CSMD3: variants seen among roughly 807,000 people sequenced by gnomAD.
The protein encoded by CSMD3 is CUB and sushi domain-containing protein 3.
In CSMD3, 177 loss-of-function variants were observed where a neutral mutation model predicts 435.2. That is an observed-to-expected ratio of 0.41 (90% CI 0.36 to 0.46). CSMD3 has a LOEUF of 0.46. CSMD3 is among the 20% of genes least tolerant of loss of function. CSMD3 has a pLI of 0.34. For missense variants in CSMD3, 4,265 were observed against 4,504.6 expected, an observed-to-expected ratio of 0.95 and a Z score of 1.52; for synonymous variants, 1,656 against 1,520.5, an observed-to-expected ratio of 1.09 and a Z score of -2.07.
chr8:112,463,490 T>C (rs1205452768), intron 32 of CSMD3, among the ~76,000 whole-genome samples: 2 of 152,230 alleles, frequency 1.3e-5, no homozygotes, highest in African/African-American at 4.8e-5. Flanking sequence ...TCTTGGTAAC[T>C]GGCTCTGCTG....
chr8:112,289,361 G>A lies in CSMD3; in HGVS notation c.9148+4C>T, dbSNP rs2130654167. The A allele has an allele frequency of 1.2e-6, 2 of 1,611,890 alleles. No homozygotes were observed. The highest frequency in any genetic ancestry group is 1.7e-6 in the Non-Finnish European group (2 of 1,178,378). On this transcript the variant is annotated splice_donor_region_variant and intron_variant, in intron 57 of 70. Transcript: ENST00000297405. ...CACATATTGTCCAATTTTCCAAGTG[G>A]TACCTGAACAATGAGGTTGTGATCC...
intron 3 of CSMD3, among the ~76,000 whole-genome samples, chr8:113,219,945 C>A (rs2092947781): frequency 6.6e-6 from 1 of 151,332 alleles, no homozygotes; most frequent in African/African-American, 2.4e-5. Flanking sequence ...AAAATGATTA[C>A]AAATTCTTTA....
At chr8:112,880,565 G>A (rs545724899) in intron 10 of CSMD3, among the ~76,000 whole-genome samples, 12 of 152,040 alleles carry the variant, frequency 7.9e-5, no homozygotes, top group Non-Finnish European at 1.8e-4. Flanking sequence ...CAGGGGGAAA[G>A]ACACACTAAA....
chr8:113,186,968 T>C (rs551063908), intron 3 of CSMD3, among the ~76,000 whole-genome samples: 2 of 152,078 alleles, frequency 1.3e-5, no homozygotes, highest in Admixed American at 6.6e-5. Context: ...TTGGACAATA[T>C]AACTGGTTCC....
intron 27 of CSMD3, among the ~76,000 whole-genome samples, chr8:112,541,437 C>G (rs1826650253): frequency 6.6e-6 from 1 of 151,338 alleles, no homozygotes; most frequent in Admixed American, 6.6e-5. Flanking sequence ...AATAATGCTA[C>G]AGAAATAAGA....
intron 11 of CSMD3, among the ~76,000 whole-genome samples, chr8:112,831,386 T>G (rs1021958425): frequency 6.6e-6 from 1 of 151,690 alleles, no homozygotes. Context: ...CATCTTTTGG[T>G]ACACATTTTC....
At position 112,234,488 on chromosome 8, in the gene CSMD3, C is replaced by A. The variant is rs772643684; in HGVS notation, c.10628-11G>T. 4 of 1,460,578 alleles carry A rather than the reference C, an allele frequency of 2.7e-6. No homozygotes were observed. Among genetic ancestry groups the A allele is most frequent in the Middle Eastern group, 1.7e-4 (1 of 5,774 alleles). 90.5% of individuals were successfully genotyped at this position (1,460,578 alleles called of 1,614,324 possible). A position where few individuals can be genotyped will look rare whatever the true frequency, so the allele number is the denominator to read the frequency against. The stretch of plus-strand genomic sequence containing the variant: ...GGCTTTTATATACCCCTGTAAAATG[C>A]AAGGACATTTTAGTCTACTTAACTT... On this transcript the variant is annotated splice_polypyrimidine_tract_variant and intron_variant, in intron 67 of 70. Coordinates refer to ENST00000297405, the MANE Select transcript of CSMD3 (RefSeq NM_198123.2).
chr8:112,739,748 TG>T (rs1712218973), intron 13 of CSMD3, among the ~76,000 whole-genome samples: 1 of 151,822 alleles, frequency 6.6e-6, no homozygotes, highest in African/African-American at 2.4e-5. Flanking sequence ...TTATATGTAT[TG>T]TATAGCATTG....
chr8:112,250,265 C>T (rs1429067009), intron 63 of CSMD3, among the ~76,000 whole-genome samples: 1 of 151,792 alleles, frequency 6.6e-6, no homozygotes. Context: ...ATAACAACTG[C>T]TTTAAATATT....
chr8:113,070,148 G>C (rs2089044040), intron 5 of CSMD3, among the ~76,000 whole-genome samples: 2 of 152,026 alleles, frequency 1.3e-5, no homozygotes. Context: ...TAGGGGAGAA[G>C]GTGGAGGAGA....
At chr8:112,506,548 A>T in intron 29 of CSMD3, 143 bp downstream of exon 29, 1 of 757,924 alleles carries the variant, frequency 1.3e-6, no homozygotes, top group Non-Finnish European at 2.1e-6. Flanking sequence ...TGGCAAAGCT[A>T]GAACAACTAT....
At chr8:113,057,927 A>G (rs940404257) in intron 5 of CSMD3, among the ~76,000 whole-genome samples, 4 of 151,820 alleles carry the variant, frequency 2.6e-5, no homozygotes, top group African/African-American at 4.8e-5. Flanking sequence ...TACGTGTCCT[A>G]AATAAAAGAC....
In CSMD3 at chr8:112,261,380, G is replaced by A. The variant is rs78205203; in HGVS notation, c.9862+2259C>T. Among the ~76,000 whole-genome samples, 786 of 151,978 alleles carry A rather than the reference G, an allele frequency of 5.2e-3. 6 individuals carry two copies. The highest frequency in any genetic ancestry group is 0.018 in the African/African-American group (754 of 41,452). On this transcript the variant is annotated intron_variant, in intron 61 of 70. Coordinates refer to ENST00000297405, the MANE Select transcript of CSMD3 (RefSeq NM_198123.2). ...CACTCAACTTTAACAATTGATAATT[G>A]CCAATACTGTTGCAAATCTTTGTAG...
At chr8:112,727,823 C>G (rs2076997727) in intron 13 of CSMD3, among the ~76,000 whole-genome samples, 1 of 151,724 alleles carries the variant, frequency 6.6e-6, no homozygotes, top group Non-Finnish European at 1.5e-5. Flanking sequence ...TTCTAAATGG[C>G]ATTTTTAAAC....
At chr8:112,912,611 T>A (rs999220104) in intron 10 of CSMD3, among the ~76,000 whole-genome samples, 3 of 151,874 alleles carry the variant, frequency 2.0e-5, no homozygotes, top group African/African-American at 7.3e-5. Context: ...TAAAACTATT[T>A]AAAAAACATA....
intron 28 of CSMD3, 46 bp from the exon 29 acceptor site, chr8:112,506,875 A>G (rs1822586526): frequency 4.6e-6 from 7 of 1,514,670 alleles, no homozygotes; most frequent in Non-Finnish European, 6.3e-6. Flanking sequence ...CATTAATACA[A>G]TTTATTAGCT....
intron 16 of CSMD3, among the ~76,000 whole-genome samples, chr8:112,680,651 T>C (rs1308583064): frequency 6.6e-6 from 1 of 152,120 alleles, no homozygotes; most frequent in African/African-American, 2.4e-5. Flanking sequence ...GTCATCTAGT[T>C]CTGCCCACCT....
chr8:113,341,265 A>C (rs983969641), intron 1 of CSMD3, among the ~76,000 whole-genome samples: 17 of 152,140 alleles, frequency 1.1e-4, no homozygotes, highest in African/African-American at 4.1e-4. Flanking sequence ...CCTTGCTGTT[A>C]ATCATAATCA....
At chr8:112,675,548 G>C (rs149953579) in intron 16 of CSMD3, among the ~76,000 whole-genome samples, 155 of 152,170 alleles carry the variant, frequency 1.0e-3, no homozygotes, top group African/African-American at 3.6e-3. Context: ...AAAAGGACAA[G>C]AGAAGCAGAA....
Sources: allele counts gnomAD v4.1 joint callset (sites outside exome capture counted in the v4.1 genomes callset), GRCh38; gene constraint gnomAD v4.1.1; transcripts MANE v1.5; gene names NCBI Gene and HGNC (gene_info 2026-07-23, HGNC 2026-07-21).